The following PEX5L variants were observed in gnomAD, a reference collection of about 807,000 sequenced individuals.
The protein encoded by PEX5L is PEX5-related protein.
A neutral mutation model predicts 84.0 loss-of-function variants in PEX5L; 30 were observed. The observed-to-expected ratio is 0.36, with a 90% CI of 0.27 to 0.48. PEX5L has a LOEUF of 0.48. Ranked by LOEUF, PEX5L falls within the 20% of genes least tolerant of loss-of-function variation. The pLI is 0.99. For synonymous variants in PEX5L, 270 were observed against 283.1 expected, an observed-to-expected ratio of 0.95 and a Z score of 0.46; for missense variants, 533 against 754.6, an observed-to-expected ratio of 0.71 and a Z score of 3.44.
rs368386430 is a variant in PEX5L, at chr3:179,959,317, C to T, written c.93+12277G>A. On this transcript the variant is annotated intron_variant, in intron 2 of 14. Coordinates refer to ENST00000467460, the MANE Select transcript of PEX5L (RefSeq NM_016559.3). ...GATTAGGGAAGGAGGAAATAACGCA[C>T]ATCTTAGTTCTTAGAGTTCTGAGGC... Among the ~76,000 whole-genome samples the T allele has an allele frequency of 2.6e-5, 4 of 152,306 alleles. No individual in the cohort carries two copies. In the South Asian group the frequency reaches 8.3e-4, roughly 32 times the overall value.
At chr3:180,026,424 A>G (rs1386496656) in intron 1 of PEX5L, among the ~76,000 whole-genome samples, 1 of 152,212 alleles carries the variant, frequency 6.6e-6, no homozygotes, top group Non-Finnish European at 1.5e-5. Flanking sequence ...CATCCTTTGC[A>G]TGAATATGAA....
intron 2 of PEX5L, among the ~76,000 whole-genome samples, chr3:179,957,267 G>T (rs1207110434): frequency 6.6e-6 from 1 of 152,154 alleles, no homozygotes; most frequent in Non-Finnish European, 1.5e-5. Context: ...CTGGAGAAAG[G>T]TTTCATATAT....
chr3:179,874,132 C>CATATATAT (rs10641654), intron 7 of PEX5L, among the ~76,000 whole-genome samples, 195 bp downstream of exon 7: 2 of 149,614 alleles, frequency 1.3e-5, no homozygotes, highest in South Asian at 2.1e-4. Context: ...TGTAGATATA[C>CATATATAT]ATATATATAT....
chr3:179,826,155 A>C (rs2109039921), intron 8 of PEX5L, among the ~76,000 whole-genome samples: 1 of 152,292 alleles, frequency 6.6e-6, no homozygotes, highest in South Asian at 2.1e-4. Context: ...AGGAGGCTGG[A>C]AATAAACAAT....
At chr3:180,034,896 G>A (rs1232308811) in intron 1 of PEX5L, among the ~76,000 whole-genome samples, 1 of 152,084 alleles carries the variant, frequency 6.6e-6, no homozygotes, top group Non-Finnish European at 1.5e-5. Flanking sequence ...TAAACCCTCA[G>A]ACATTGTTCC....
chr3:179,952,598 G>C (rs1264693819), intron 2 of PEX5L, among the ~76,000 whole-genome samples: 1 of 152,118 alleles, frequency 6.6e-6, no homozygotes, highest in Non-Finnish European at 1.5e-5. Flanking sequence ...AAGGAAATAA[G>C]AGAGGACATA....
intron 2 of PEX5L, among the ~76,000 whole-genome samples, chr3:179,959,294 T>C (rs1781431119): frequency 6.6e-6 from 1 of 152,134 alleles, no homozygotes; most frequent in African/African-American, 2.4e-5. Flanking sequence ...TGGACTATGA[T>C]TAGGGAAGGA....
intron 2 of PEX5L, chr3:179,902,141 G>A (rs1032457464): frequency 1.3e-5 from 2 of 152,264 alleles, no homozygotes; most frequent in African/African-American, 4.8e-5. Context: ...ACTCTGTGGG[G>A]TAGATATTAT....
intron 2 of PEX5L, among the ~76,000 whole-genome samples, chr3:179,958,550 C>T (rs956946970): frequency 2.0e-5 from 3 of 152,158 alleles, no homozygotes; most frequent in South Asian, 2.1e-4. Context: ...TTTTAATAAA[C>T]GTGGTGTAAG....
At chr3:179,833,713 A>G (rs1009708439) in intron 8 of PEX5L, among the ~76,000 whole-genome samples, 5 of 152,156 alleles carry the variant, frequency 3.3e-5, no homozygotes, top group African/African-American at 7.2e-5. Flanking sequence ...GTTCCAAAAG[A>G]ACGAAAAAAG....
chr3:179,926,711 T>C (rs774231610), intron 2 of PEX5L, among the ~76,000 whole-genome samples: 10 of 152,250 alleles, frequency 6.6e-5, no homozygotes, highest in Non-Finnish European at 1.2e-4. Context: ...CTGGGCTTTC[T>C]CCACAACTGC....
chr3:180,005,124 G>A (rs540153347), intron 1 of PEX5L, among the ~76,000 whole-genome samples: 1 of 152,060 alleles, frequency 6.6e-6, no homozygotes, highest in Non-Finnish European at 1.5e-5. Context: ...TAATCTTTCT[G>A]ACTGAAAGAG....
chr3:179,971,371 A>T (rs891019366), intron 2 of PEX5L, among the ~76,000 whole-genome samples: 2 of 152,084 alleles, frequency 1.3e-5, no homozygotes, highest in Non-Finnish European at 2.9e-5. Context: ...TTCTAGCTTT[A>T]TTTCCATCAT....
intron 3 of PEX5L, among the ~76,000 whole-genome samples, chr3:179,897,211 A>C (rs1759626952): frequency 6.6e-6 from 1 of 152,122 alleles, no homozygotes; most frequent in Non-Finnish European, 1.5e-5. Context: ...CTGTAAATGG[A>C]CATTTTTCGA....
chr3:179,913,216 T>C (rs56263652), intron 2 of PEX5L, among the ~76,000 whole-genome samples: 46,905 of 151,914 alleles, frequency 0.31, 7,447 homozygotes, highest in Non-Finnish European at 0.33. Flanking sequence ...TTCTTATACT[T>C]AACAGCTGAT....
chr3:180,003,284 C>A (rs1442191351), intron 1 of PEX5L, among the ~76,000 whole-genome samples: 3 of 151,908 alleles, frequency 2.0e-5, no homozygotes, highest in Non-Finnish European at 4.4e-5. Flanking sequence ...TCCATTATTA[C>A]AACAATCTGT....
chr3:179,841,053 G>T (rs879366640), intron 8 of PEX5L, among the ~76,000 whole-genome samples: 3 of 152,118 alleles, frequency 2.0e-5, no homozygotes, highest in African/African-American at 4.8e-5. Flanking sequence ...AGATACAAGT[G>T]GGGGAGACAG....
intron 1 of PEX5L, chr3:179,973,623 A>G: frequency 8.1e-6 from 8 of 985,320 alleles, no homozygotes; most frequent in Non-Finnish European, 8.4e-6. Flanking sequence ...CTCCTATTCT[A>G]AACTTTCTTG....
chr3:180,000,983 C>T (rs575778320), intron 1 of PEX5L, among the ~76,000 whole-genome samples: 1 of 152,064 alleles, frequency 6.6e-6, no homozygotes, highest in Admixed American at 6.6e-5. Context: ...AAGTATTGAT[C>T]CTGGGTGTGT....
Sources: allele counts gnomAD v4.1 joint callset (sites outside exome capture counted in the v4.1 genomes callset), GRCh38; gene constraint gnomAD v4.1.1; transcripts MANE v1.5; gene names NCBI Gene and HGNC (gene_info 2026-07-23, HGNC 2026-07-21).